USP13: variants seen among roughly 807,000 people sequenced by gnomAD.
USP13 encodes ubiquitin specific peptidase 13, also known as ubiquitin carboxyl-terminal hydrolase 13.
Under a neutral mutation model 107.8 loss-of-function variants are expected in USP13, and 68 were observed. The ratio of observed to expected loss-of-function variants is 0.63; its 90% confidence interval spans 0.52 to 0.77. The LOEUF (loss-of-function observed/expected upper bound fraction) is 0.77. USP13 is among the 30% of genes least tolerant of loss of function. The probability of loss-of-function intolerance (pLI) is 0.00; values close to 1 mark genes in which losing one functional copy is unlikely to be tolerated. For missense variants in USP13, 945 were observed against 1,093.3 expected (o/e 0.86, Z 1.91); for synonymous variants, 377 against 389.5 (o/e 0.97, Z 0.38).
chr3:179,757,055 G>T lies in USP13; in HGVS notation c.1925G>T (p.Arg642Leu), dbSNP rs779893407. 16 of 1,613,796 alleles carry T rather than the reference G, an allele frequency of 9.9e-6. No individual in the cohort carries two copies. In the African/African-American group the frequency reaches 1.5e-4, roughly 15 times the overall value. ...TGTCCTCTCCCTTAATTTCCAGATC[G>T]CCTGATGAACCAATTGATAGACCGT... ...PIVIPDDSKD[R>L]LMNQLIDPSD... is the part of the protein sequence containing the mutation. The change falls in exon 16 of 21, where the codon CGC (arginine) becomes CTC (leucine). Residue 642 changes from arginine (R) to leucine (L), a missense_variant. Coordinates refer to ENST00000263966, the MANE Select transcript of USP13 (RefSeq NM_003940.3).
chr3:179,729,083 A>T (rs150868595), intron 8 of USP13, among the ~76,000 whole-genome samples: 10 of 152,216 alleles, frequency 6.6e-5, no homozygotes, highest in Non-Finnish European at 1.3e-4. Context: ...AAGGGGGTCC[A>T]TGGCCATAGG....
At chr3:179,680,909 C>A (rs79268096) in intron 1 of USP13, among the ~76,000 whole-genome samples, 2 of 107,842 alleles carry the variant, frequency 1.9e-5, no homozygotes, top group East Asian at 6.0e-4. Context: ...GGAATAATAT[C>A]TTTGAAGAAC....
rs183212378 is a variant in USP13, at chr3:179,662,977, A to T, written c.168+9584A>T. Among the ~76,000 whole-genome samples the T allele has an allele frequency of 1.0e-3, 157 of 152,274 alleles. 1 individual carries two copies. Among genetic ancestry groups the T allele is most frequent in the Middle Eastern group, 3.4e-3 (1 of 294 alleles). ...CTCTCTTTTTATTTTTTAAGTTGTG[A>T]TAAAATACATATAACATAAACTTTA... On this transcript the variant is annotated intron_variant, in intron 1 of 20. Transcript: ENST00000263966.
In USP13 at chr3:179,742,085, G is replaced by A. The variant is rs73885929; in HGVS notation, c.1381-112G>A. The A allele has an allele frequency of 2.4e-3, 3,303 of 1,353,144 alleles. 75 individuals are homozygous for A. In the African/African-American group the frequency reaches 0.043, roughly 18 times the overall value. 83.8% of individuals were successfully genotyped at this position (1,353,144 alleles called of 1,614,324 possible). On this transcript the variant is annotated intron_variant, in intron 11 of 20. Transcript: ENST00000263966. This position sits in a 1 kb window ranked among gnomAD's most constrained non-coding sequence, Gnocchi z 5.0. ...GCTTTGGTGAATGGGCATGGCCAGA[G>A]GAAATGTTTAATAAAGCCAAGTGTT... is the stretch of plus-strand genomic sequence containing the variant.
At chr3:179,700,933 T>C (rs764817431) in intron 3 of USP13, 75 bp from the exon 4 acceptor site, 69 of 1,506,660 alleles carry the variant, frequency 4.6e-5, no homozygotes, top group Non-Finnish European at 5.9e-5. Context: ...ATTTCTGGCT[T>C]TTCCAGTGAG....
chr3:179,666,034 C>CA (rs1340228430), intron 1 of USP13, among the ~76,000 whole-genome samples: 2 of 152,010 alleles, frequency 1.3e-5, no homozygotes. Context: ...TAGGGGTGGA[C>CA]AAAGGTATGG....
At chr3:179,731,274 G>A (rs1168272659) in intron 10 of USP13, among the ~76,000 whole-genome samples, 1 of 152,192 alleles carries the variant, frequency 6.6e-6, no homozygotes, top group African/African-American at 2.4e-5. Flanking sequence ...AGCTGGGCGT[G>A]GTGGTGCACG....
At chr3:179,778,425 C>A (rs1270262547) in intron 19 of USP13, among the ~76,000 whole-genome samples, 5 of 152,160 alleles carry the variant, frequency 3.3e-5, no homozygotes, top group African/African-American at 1.2e-4. Context: ...CCTATTCTAG[C>A]CTGGGGTAAA....
chr3:179,691,317 T>C (rs1221224013), intron 3 of USP13, among the ~76,000 whole-genome samples: 2 of 152,254 alleles, frequency 1.3e-5, no homozygotes, highest in Non-Finnish European at 2.9e-5. Flanking sequence ...TGTATTCAGT[T>C]GTCATGTTTC....
chr3:179,668,623 C>A (rs897236009), intron 1 of USP13, among the ~76,000 whole-genome samples: 2 of 151,962 alleles, frequency 1.3e-5, no homozygotes, highest in African/African-American at 4.8e-5. Flanking sequence ...GTGGTGTGAT[C>A]TTGGCTCACT....
chr3:179,784,171 G>A lies in USP13; in HGVS notation c.*30G>A, dbSNP rs767764175. 7 of 1,522,642 alleles carry A rather than the reference G, an allele frequency of 4.6e-6. No homozygotes were observed. Among genetic ancestry groups the A allele is most frequent in the Non-Finnish European group, 6.2e-6 (7 of 1,124,976 alleles). The allele number at this position is 1,522,642 out of a possible 1,614,324, so 94.3% of individuals were successfully genotyped here. ...CAAATATAAAAATTGGCGAAAAGAA[G>A]CCATACGCCTTTTTAATTTGCCAAA... On this transcript the variant is annotated 3_prime_UTR_variant, in exon 21 of 21. Transcript: ENST00000263966.
At chr3:179,659,097 A>G (rs1367458171) in intron 1 of USP13, among the ~76,000 whole-genome samples, 1 of 152,114 alleles carries the variant, frequency 6.6e-6, no homozygotes. Flanking sequence ...AAGCTCTGAG[A>G]TGGCTCGGTG....
intron 16 of USP13, among the ~76,000 whole-genome samples, chr3:179,757,715 A>G (rs2108530598): frequency 6.6e-6 from 1 of 152,374 alleles, no homozygotes; most frequent in Non-Finnish European, 1.5e-5. Context: ...AAGTCTTTCA[A>G]GACAGTAACT....
intron 6 of USP13, among the ~76,000 whole-genome samples, chr3:179,712,331 CAT>C (rs1317609734): frequency 2.0e-5 from 3 of 152,032 alleles, no homozygotes; most frequent in Non-Finnish European, 4.4e-5. Context: ...TTCAGTGTAA[CAT>C]ATGTAGAAAA....
chr3:179,770,594 G>A (rs192090378), intron 19 of USP13, among the ~76,000 whole-genome samples: 1 of 151,154 alleles, frequency 6.6e-6, no homozygotes, highest in East Asian at 1.9e-4. Flanking sequence ...ATTGACTGAG[G>A]TATATGACTT....
At chr3:179,761,380 T>C in intron 17 of USP13, 125 bp downstream of exon 17, 1 of 1,262,712 alleles carries the variant, frequency 7.9e-7, no homozygotes, top group Non-Finnish European at 1.1e-6. Context: ...CCTAATCTCC[T>C]GCAGTGGAGG....
chr3:179,685,498 C>G (rs761121229), intron 2 of USP13, among the ~76,000 whole-genome samples: 1 of 152,048 alleles, frequency 6.6e-6, no homozygotes, highest in Non-Finnish European at 1.5e-5. Context: ...GGCATAAACT[C>G]AATGATCAGG....
intron 1 of USP13, among the ~76,000 whole-genome samples, chr3:179,660,139 TG>T (rs1720415509): frequency 6.6e-6 from 1 of 152,384 alleles, no homozygotes; most frequent in Non-Finnish European, 1.5e-5. Context: ...TCGTTTTAAT[TG>T]TACAATTCAG....
intron 10 of USP13, among the ~76,000 whole-genome samples, chr3:179,739,918 C>T (rs1015636418): frequency 3.3e-5 from 5 of 152,146 alleles, no homozygotes; most frequent in African/African-American, 7.2e-5. Context: ...TGGGCTGTGA[C>T]ATTTGGTCAC....
Sources: gnomAD v4.1 joint callset for allele counts (sites outside exome capture counted in the v4.1 genomes callset) on GRCh38, gnomAD v4.1.1 for gene constraint, Gnocchi (gnomAD v3.1) non-coding constraint, MANE v1.5 for transcripts, NCBI Gene and HGNC (gene_info 2026-07-23, HGNC 2026-07-21) for gene names.